ROCK2: variants seen among roughly 807,000 people sequenced by gnomAD.
ROCK2 encodes the protein Rho associated coiled-coil containing protein kinase 2.
Under a neutral mutation model 195.1 loss-of-function variants are expected in ROCK2, and 61 were observed. That is an observed-to-expected ratio of 0.31 (90% CI 0.25 to 0.39). ROCK2 has a LOEUF of 0.39. Ranked by LOEUF, ROCK2 falls within the 10% of genes least tolerant of loss-of-function variation. ROCK2 has a pLI of 1.00. For synonymous variants in ROCK2, 504 were observed against 545.5 expected, an observed-to-expected ratio of 0.92 and a Z score of 1.06; for missense variants, 1,109 against 1,637.4, an observed-to-expected ratio of 0.68 and a Z score of 5.57.
intron 3 of ROCK2, among the ~76,000 whole-genome samples, chr2:11,284,779 T>C (rs1420827545): frequency 2.6e-5 from 4 of 152,178 alleles, no homozygotes; most frequent in Non-Finnish European, 5.9e-5. Flanking sequence ...TAAGCAACTA[T>C]TCCCTGTGTT....
intron 18 of ROCK2, among the ~76,000 whole-genome samples, chr2:11,208,758 A>G (rs1664147229): frequency 6.6e-6 from 1 of 151,834 alleles, no homozygotes; most frequent in African/African-American, 2.4e-5. Flanking sequence ...ACACCCAGCT[A>G]AGTTTTGTAT....
chr2:11,261,280 T>C (rs900229517), intron 3 of ROCK2, among the ~76,000 whole-genome samples: 1 of 152,248 alleles, frequency 6.6e-6, no homozygotes, highest in Non-Finnish European at 1.5e-5. Flanking sequence ...CATACCTTTA[T>C]AATTCGTTAG....
Position 11,221,367 on chromosome 2 carries a change from GA to G in ROCK2, c.1100-11del. ...ACTACAGGAGCTGCCGCTATTAAAA[GA>G]AAAGAAATAAATTATTTCATTCACA... On this transcript the variant is annotated splice_polypyrimidine_tract_variant and intron_variant, in intron 8 of 32. Transcript: ENST00000315872. The G allele has an allele frequency of 6.6e-7, 1 of 1,517,270 alleles. No homozygotes were observed. The highest frequency in any genetic ancestry group is 8.7e-7 in the Non-Finnish European group (1 of 1,143,556). 94.0% of individuals were successfully genotyped at this position (1,517,270 alleles called of 1,614,324 possible). A position where few individuals can be genotyped will look rare whatever the true frequency, so the allele number is the denominator to read the frequency against.
intron 1 of ROCK2, among the ~76,000 whole-genome samples, chr2:11,334,684 C>T (rs1668871021): frequency 7.1e-6 from 1 of 139,900 alleles, no homozygotes; most frequent in Non-Finnish European, 1.7e-5. Flanking sequence ...CATTTGTCAA[C>T]ACAATCATGC....
At chr2:11,275,525 A>G (rs73915144) in intron 3 of ROCK2, among the ~76,000 whole-genome samples, 3,424 of 152,226 alleles carry the variant, frequency 0.022, 57 homozygotes, top group East Asian at 0.051. Context: ...AATCAGCAGT[A>G]TATTAAAAGG....
intron 17 of ROCK2, 85 bp from the exon 18 acceptor site, chr2:11,211,925 A>G: frequency 2.3e-6 from 2 of 882,038 alleles, no homozygotes; most frequent in South Asian, 3.8e-5. Flanking sequence ...TTTTTTTTTG[A>G]GACAGAGTCT....
In ROCK2 at chr2:11,194,275, A is replaced by G. The variant is rs1281437156; in HGVS notation, c.3589T>C (p.Tyr1197His). Residue 1197 changes from tyrosine to histidine, a missense_variant, in exon 29 of 33, where the codon TAC becomes CAC. By Grantham distance (83) the Tyr-to-His change is moderately conservative (BLOSUM62 2). This residue lies in a region of ROCK2 where 221 missense variants were observed against 355.1 expected (regional missense o/e 0.62). Transcript: ENST00000315872. ...ACTTACTCTATATCTAAAACCATGT[A>G]AGGATTGGATTGTTCTTTATCTTGT... Reference protein sequence around the residue: ...SEQDKEQSNPYMVLDIDKLFH... With the variant: ...SEQDKEQSNPHMVLDIDKLFH... 1 of 1,428,386 alleles carries G rather than the reference A, an allele frequency of 7.0e-7. No individual in the cohort carries two copies. Among genetic ancestry groups the G allele is most frequent in the Admixed American group, 1.9e-5 (1 of 52,252 alleles). The allele number at this position is 1,428,386 out of a possible 1,614,324, so 88.5% of individuals were successfully genotyped here.
chr2:11,184,741 C>A (rs528851456), intron 32 of ROCK2: 1 of 984,592 alleles, frequency 1.0e-6, no homozygotes, highest in Non-Finnish European at 1.2e-6. Flanking sequence ...AATGACCAAT[C>A]CCAGTCTTTA....
At chr2:11,297,163 G>A (rs1667560382) in intron 1 of ROCK2, among the ~76,000 whole-genome samples, 1 of 151,896 alleles carries the variant, frequency 6.6e-6, no homozygotes, top group African/African-American at 2.4e-5. Context: ...ACAAAGACTA[G>A]GTAGGAATTA....
At chr2:11,194,188 A>G in intron 29 of ROCK2, 68 bp downstream of exon 29, 1 of 642,064 alleles carries the variant, frequency 1.6e-6, no homozygotes, top group Admixed American at 2.8e-5. Context: ...TGAGACTAAT[A>G]AATTGCATTG....
chr2:11,322,110 A>C lies in ROCK2; in HGVS notation c.141+21886T>G, dbSNP rs185884974. Among the ~76,000 whole-genome samples, 171 of 152,214 alleles carry C rather than the reference A, an allele frequency of 1.1e-3. 1 individual carries two copies. Among genetic ancestry groups the C allele is most frequent in the Non-Finnish European group, 1.2e-4 (8 of 68,018 alleles). On this transcript the variant is annotated intron_variant, in intron 1 of 32. Coordinates refer to ENST00000315872, the MANE Select transcript of ROCK2 (RefSeq NM_004850.5). ...TGCATGCCAAGGAGAAAAACCTCAG[A>C]AGAAACCAAACCTGCCAACACCTTG...
intron 20 of ROCK2, among the ~76,000 whole-genome samples, chr2:11,205,500 G>A (rs1488813809): frequency 6.6e-6 from 1 of 151,108 alleles, no homozygotes; most frequent in African/African-American, 2.4e-5. Context: ...CTTTACTAGA[G>A]TTTTTCTGGA....
chr2:11,187,772 C>T (rs543141680), intron 32 of ROCK2, among the ~76,000 whole-genome samples: 13 of 152,254 alleles, frequency 8.5e-5, no homozygotes, highest in African/African-American at 3.1e-4. Flanking sequence ...GGAAGTTCTT[C>T]CCCAATTCAA....
In ROCK2 at chr2:11,239,322, A is replaced by G. The variant is rs181651484; in HGVS notation, c.463-3360T>C. 3.2e-3 allele frequency among the ~76,000 whole-genome samples: 494 copies of G among 152,302 alleles called. 2 individuals are homozygous for G. Among genetic ancestry groups the G allele is most frequent in the African/African-American group, 0.011 (442 of 41,568 alleles). Reference sequence around the variant, plus strand: ...TATTTACAAGTGATATATATATAGCATTGGTCATTAGGGAAATGCACACTA... The same window carrying G: ...TATTTACAAGTGATATATATATAGCGTTGGTCATTAGGGAAATGCACACTA... On this transcript the variant is annotated intron_variant, in intron 4 of 32. Coordinates refer to ENST00000315872, the MANE Select transcript of ROCK2 (RefSeq NM_004850.5).
chr2:11,342,861 A>G (rs1031041865), intron 1 of ROCK2, among the ~76,000 whole-genome samples: 4 of 152,210 alleles, frequency 2.6e-5, no homozygotes, highest in Non-Finnish European at 4.4e-5. Flanking sequence ...CTGCATTTTG[A>G]CCAAACAGGA....
At chr2:11,326,625 A>G (rs1668558543) in intron 1 of ROCK2, among the ~76,000 whole-genome samples, 1 of 152,282 alleles carries the variant, frequency 6.6e-6, no homozygotes, top group East Asian at 1.9e-4. Flanking sequence ...AATGAGACTT[A>G]TGTCTAGGGG....
chr2:11,255,661 T>G (rs1666004027), intron 3 of ROCK2, among the ~76,000 whole-genome samples: 1 of 151,060 alleles, frequency 6.6e-6, no homozygotes, highest in African/African-American at 2.5e-5. Context: ...GGCTCACACC[T>G]GTGATCCCAG....
chr2:11,201,198 GTTT>G lies in ROCK2; in HGVS notation c.2724-58_2724-56del. ...GTTCAGTTTTCACTATGAAGTGAAA[GTTT>G]TTGTCTAATTCACTTCATCAATAAT... On this transcript the variant is annotated intron_variant, in intron 22 of 32. Transcript: ENST00000315872. The surrounding 1 kb of genome is among the most constrained non-coding windows in gnomAD (Gnocchi z 4.6). The G allele has an allele frequency of 6.5e-7, 1 of 1,549,164 alleles. No homozygotes were observed. The highest frequency in any genetic ancestry group is 8.8e-7 in the Non-Finnish European group (1 of 1,141,470).
chr2:11,247,164 A>G (rs1307007863), intron 4 of ROCK2, among the ~76,000 whole-genome samples: 3 of 152,064 alleles, frequency 2.0e-5, no homozygotes, highest in Admixed American at 2.0e-4. Flanking sequence ...GCAAATCCAT[A>G]AAGACATAAA....
Sources: gnomAD v4.1 joint callset for allele counts (sites outside exome capture counted in the v4.1 genomes callset) on GRCh38, gnomAD v4.1.1 for gene constraint, gnomAD v4.1.1 regional missense constraint, Gnocchi (gnomAD v3.1) non-coding constraint, MANE v1.5 for transcripts, NCBI Gene and HGNC (gene_info 2026-07-23, HGNC 2026-07-21) for gene names.